The following KAT6B variants were observed in gnomAD, a reference collection of about 807,000 sequenced individuals.
KAT6B encodes lysine acetyltransferase 6B.
Under a neutral mutation model 187.5 loss-of-function variants are expected in KAT6B, and 10 were observed. The ratio of observed to expected loss-of-function variants is 0.05; its 90% CI spans 0.03 to 0.09. The LOEUF is 0.09. Ranked by LOEUF, KAT6B falls within the 10% of genes least tolerant of loss-of-function variation. The pLI is 1.00. For synonymous variants in KAT6B, 861 were observed against 926.8 expected, an observed-to-expected ratio of 0.93 and a Z score of 1.29; for missense variants, 1,952 against 2,558.9, an observed-to-expected ratio of 0.76 and a Z score of 5.12.
chr10:74,964,617 G>C (rs1385277963), intron 4 of KAT6B, among the ~76,000 whole-genome samples: 1 of 152,028 alleles, frequency 6.6e-6, no homozygotes, highest in African/African-American at 2.4e-5. Context: ...TTTCCAACGA[G>C]TCTACCCCCG....
intron 3 of KAT6B, among the ~76,000 whole-genome samples, chr10:74,914,461 G>A (rs563997089): frequency 1.3e-5 from 2 of 152,210 alleles, no homozygotes; most frequent in South Asian, 2.1e-4. Flanking sequence ...AACTAATGTG[G>A]ATTTAGTTAA....
chr10:74,999,633 C>T (rs1052264703), intron 13 of KAT6B, among the ~76,000 whole-genome samples: 1 of 152,214 alleles, frequency 6.6e-6, no homozygotes, highest in African/African-American at 2.4e-5. Context: ...ATAGCTGCCA[C>T]TTCTAGAGCC....
At chr10:74,899,010 A>AAAAAAAT (rs1846187894) in intron 3 of KAT6B, among the ~76,000 whole-genome samples, 1 of 150,080 alleles carries the variant, frequency 6.7e-6, no homozygotes, top group African/African-American at 2.5e-5. Flanking sequence ...AAAAAAAAAA[A>AAAAAAAT]AATAGCCGAG....
chr10:74,887,071 C>T (rs1490300548), intron 3 of KAT6B, among the ~76,000 whole-genome samples: 1 of 152,076 alleles, frequency 6.6e-6, no homozygotes, highest in African/African-American at 2.4e-5. Context: ...TCTCTGGGGA[C>T]AGGGGACTGT....
chr10:74,901,426 G>A (rs547435687), intron 3 of KAT6B, among the ~76,000 whole-genome samples: 1 of 152,292 alleles, frequency 6.6e-6, no homozygotes, highest in African/African-American at 2.4e-5. Flanking sequence ...TAACCTTTGA[G>A]GCAAGATGTG....
intron 3 of KAT6B, among the ~76,000 whole-genome samples, chr10:74,858,636 C>T (rs1368152519): frequency 1.3e-5 from 2 of 152,022 alleles, no homozygotes; most frequent in African/African-American, 4.8e-5. Flanking sequence ...CATTTAAATG[C>T]CCACAGGGTG....
In KAT6B at chr10:74,975,873, G is replaced by T; in HGVS notation, c.1536G>T (p.Thr512=). The T allele has an allele frequency of 1.9e-6, 3 of 1,613,918 alleles. No individual in the cohort carries two copies. Among genetic ancestry groups the T allele is most frequent in the Non-Finnish European group, 2.5e-6 (3 of 1,180,002 alleles). Residue 512 remains threonine (T), a synonymous_variant, in exon 8 of 18, where the codon ACG becomes ACT. Coordinates refer to ENST00000287239, the MANE Select transcript of KAT6B (RefSeq NM_012330.4). ...GQSPSSQKSS[T]ATSSPSPQSS... The stretch of plus-strand genomic sequence containing the variant: ...GCCCCAGTTCACAAAAGTCCAGCAC[G>T]GCCACTTCTTCTCCCTCTCCCCAGA...
In KAT6B at chr10:74,989,051, C is replaced by T. The variant is rs1476724433; in HGVS notation, c.2568C>T (p.Ser856=). ...TTTGCCAGCAGAAGTATAATGTCTC[C>T]TGCATAATGATCATGCCCCAGCACC... is the stretch of plus-strand genomic sequence containing the variant. The part of the protein sequence containing the change: ...EKLCQQKYNV[S]CIMIMPQHQR... The change falls in exon 13 of 18, where the codon TCC becomes TCT. Residue 856 remains serine, a synonymous_variant. Coordinates refer to ENST00000287239, the MANE Select transcript of KAT6B (RefSeq NM_012330.4). 8.1e-6 allele frequency: 13 copies of T among 1,613,974 alleles called. No individual in the cohort carries two copies. The South Asian group carries it at 1.2e-4, about 15-fold the overall frequency.
chr10:74,973,887 A>G (rs1464833352), intron 7 of KAT6B, among the ~76,000 whole-genome samples: 3 of 152,214 alleles, frequency 2.0e-5, no homozygotes, highest in Non-Finnish European at 2.9e-5. Flanking sequence ...AATTAAAAAA[A>G]CCAAATTAGG....
intron 2 of KAT6B, among the ~76,000 whole-genome samples, chr10:74,839,947 A>G (rs1056912739): frequency 4.6e-5 from 7 of 152,266 alleles, no homozygotes; most frequent in Admixed American, 6.5e-5. Flanking sequence ...TGTAGATGAC[A>G]TAGATGACAG....
At chr10:74,902,984 A>G (rs1846506437) in intron 3 of KAT6B, among the ~76,000 whole-genome samples, 1 of 152,352 alleles carries the variant, frequency 6.6e-6, no homozygotes, top group East Asian at 1.9e-4. Flanking sequence ...TGGGCAAAAT[A>G]CATTCATAAG....
chr10:74,873,058 A>T (rs1376234237), intron 3 of KAT6B, among the ~76,000 whole-genome samples: 1 of 152,188 alleles, frequency 6.6e-6, no homozygotes, highest in Non-Finnish European at 1.5e-5. Flanking sequence ...CTTATTCTCA[A>T]ATGATTCACA....
chr10:74,947,007 T>C (rs766111078), intron 3 of KAT6B, among the ~76,000 whole-genome samples: 7 of 152,150 alleles, frequency 4.6e-5, no homozygotes, highest in Non-Finnish European at 7.3e-5. Flanking sequence ...TTTGTTATAT[T>C]TGGTTTTTTT....
At chr10:74,906,954 C>T (rs1186787864) in intron 3 of KAT6B, among the ~76,000 whole-genome samples, 1 of 152,156 alleles carries the variant, frequency 6.6e-6, no homozygotes, top group Non-Finnish European at 1.5e-5. Flanking sequence ...CCTTTCTGGA[C>T]CCCTTTACTG....
chr10:74,994,165 G>A (rs72803438), intron 13 of KAT6B, among the ~76,000 whole-genome samples: 8,677 of 151,960 alleles, frequency 0.057, 333 homozygotes, highest in Middle Eastern at 0.088. Context: ...TGGCATTCTA[G>A]AAGGAAGAAT....
At chr10:74,933,896 C>G (rs2133204403) in intron 3 of KAT6B, among the ~76,000 whole-genome samples, 1 of 152,100 alleles carries the variant, frequency 6.6e-6, no homozygotes, top group African/African-American at 2.4e-5. Context: ...TTAAAAATGC[C>G]TACAATTGGC....
At chr10:74,888,855 C>T (rs1845466235) in intron 3 of KAT6B, among the ~76,000 whole-genome samples, 1 of 152,144 alleles carries the variant, frequency 6.6e-6, no homozygotes, top group Admixed American at 6.5e-5. Context: ...GATCTTTATG[C>T]AGCTGATGTG....
At chr10:74,942,690 G>A (rs559207460) in intron 3 of KAT6B, among the ~76,000 whole-genome samples, 2 of 150,090 alleles carry the variant, frequency 1.3e-5, no homozygotes, top group South Asian at 2.2e-4. Context: ...GCTTGAACCC[G>A]GGAGGTGGAG....
At position 75,028,541 on chromosome 10, in the gene KAT6B, C is replaced by T. The variant is rs147746065; in HGVS notation, c.3717C>T (p.Pro1239=). The T allele has an allele frequency of 3.0e-4, 489 of 1,614,094 alleles. 4 individuals carry two copies. The African/African-American group carries it at 5.8e-3, about 19-fold the overall frequency. Residue 1239 remains proline, a synonymous_variant, in exon 18 of 18, where the codon CCC becomes CCT. Coordinates refer to ENST00000287239, the MANE Select transcript of KAT6B (RefSeq NM_012330.4). ...TGAAAGAAGGCAGTAAAGACAATCC[C>T]GAACCTCTAAAGTGCAAACAAGTGT... is the stretch of plus-strand genomic sequence containing the variant. The part of the protein sequence containing the change: ...SNLKEGSKDN[P]EPLKCKQVWP...
Sources: gnomAD v4.1 joint callset for allele counts (sites outside exome capture counted in the v4.1 genomes callset) on GRCh38, gnomAD v4.1.1 for gene constraint, MANE v1.5 for transcripts, NCBI Gene and HGNC (gene_info 2026-07-23, HGNC 2026-07-21) for gene names.